DPYSL2: variants seen among roughly 807,000 people sequenced by gnomAD.
DPYSL2 encodes the protein dihydropyrimidinase like 2.
A neutral mutation model predicts 69.9 loss-of-function variants in DPYSL2; 13 were observed. The observed-to-expected ratio is 0.19, with a 90% CI of 0.12 to 0.30. The LOEUF is 0.30. DPYSL2 is among the 10% of genes least tolerant of loss of function. The probability of loss-of-function intolerance (pLI) is 1.00; values close to 1 mark genes in which losing one functional copy is unlikely to be tolerated. For synonymous variants in DPYSL2, 326 were observed against 359.1 expected, an observed-to-expected ratio of 0.91 and a Z score of 1.04; for missense variants, 587 against 918.9, an observed-to-expected ratio of 0.64 and a Z score of 4.67.
At position 26,640,807 on chromosome 8, in the gene DPYSL2, C is replaced by T. The variant is rs780793240; in HGVS notation, c.1127-2632C>T. ...CCCCTGGCATCCACTGCCCCTGCCC[C>T]TGAATGTCCCTATCTTTGCTTAGCT... On this transcript the variant is annotated intron_variant, in intron 8 of 13. Transcript: ENST00000521913. The surrounding 1 kb of genome is among the most constrained non-coding windows in gnomAD (Gnocchi z 4.2). 6.6e-6 allele frequency among the ~76,000 whole-genome samples: 1 copy of T among 152,214 alleles called. No homozygotes were observed. Among genetic ancestry groups the T allele is most frequent in the Non-Finnish European group, 1.5e-5 (1 of 68,030 alleles).
In DPYSL2 at chr8:26,537,657, AGAGT is replaced by A. The variant is rs920886491; in HGVS notation, c.354+22979_354+22982del. Among the ~76,000 whole-genome samples, 127 of 117,570 alleles carry A rather than the reference AGAGT, an allele frequency of 1.1e-3. 1 individual carries two copies. Among genetic ancestry groups the A allele is most frequent in the African/African-American group, 3.6e-3 (124 of 34,118 alleles). The allele number at this position is 117,570 out of a possible 152,430, so 77.1% of individuals were successfully genotyped here. A position where few individuals can be genotyped will look rare whatever the true frequency, so the allele number is the denominator to read the frequency against. ...ACAACTGTATATTTTTTCTCATTCG[AGAGT>A]AAGTTGCAGATATGATGCCCCATTT... On this transcript the variant is annotated intron_variant, in intron 1 of 13. Transcript: ENST00000521913.
chr8:26,528,442 A>G (rs1808520365), intron 1 of DPYSL2, among the ~76,000 whole-genome samples: 1 of 151,976 alleles, frequency 6.6e-6, no homozygotes, highest in Admixed American at 6.6e-5. Flanking sequence ...AGGTCAAGAG[A>G]TCGAGACCAT....
chr8:26,536,105 C>CTTTT (rs111964513), intron 1 of DPYSL2, among the ~76,000 whole-genome samples: 2 of 139,724 alleles, frequency 1.4e-5, no homozygotes, highest in Non-Finnish European at 3.1e-5. Flanking sequence ...TATCTTTTTC[C>CTTTT]TTTTTTTTTT....
intron 1 of DPYSL2, among the ~76,000 whole-genome samples, chr8:26,530,847 G>A (rs1286682804): frequency 6.6e-6 from 1 of 152,126 alleles, no homozygotes; most frequent in Non-Finnish European, 1.5e-5. Context: ...TGCAAAGTGG[G>A]TATCATGACC....
chr8:26,530,455 G>T (rs911448452), intron 1 of DPYSL2, among the ~76,000 whole-genome samples: 1 of 152,228 alleles, frequency 6.6e-6, no homozygotes, highest in Non-Finnish European at 1.5e-5. Flanking sequence ...CTTTGAAATT[G>T]TCATGGAGCA....
intron 1 of DPYSL2, among the ~76,000 whole-genome samples, chr8:26,523,155 A>G (rs1044596526): frequency 1.3e-5 from 2 of 150,374 alleles, no homozygotes; most frequent in Non-Finnish European, 1.5e-5. Flanking sequence ...ACATACATGT[A>G]TATATATATA....
rs549033651 is a variant in DPYSL2, at chr8:26,644,037, G to A, written c.1371G>A (p.Pro457=). ...AVGKDNFTLI[P]EGTNGTEERM... is the part of the protein sequence containing the mutation. ...GAAAGGACAACTTCACCCTGATTCC[G>A]GAGGGCACCAATGGCACTGAGGAGC... is the stretch of plus-strand genomic sequence containing the variant. The change falls in exon 10 of 14, where the codon CCG becomes CCA. Residue 457 remains proline, a synonymous_variant. Coordinates refer to ENST00000521913, the MANE Select transcript of DPYSL2 (RefSeq NM_001197293.3). The surrounding 1 kb of genome is among the most constrained non-coding windows in gnomAD (Gnocchi z 4.5). 26 of 1,614,100 alleles carry A rather than the reference G, an allele frequency of 1.6e-5. No individual in the cohort carries two copies. Among genetic ancestry groups the A allele is most frequent in the African/African-American group, 8.0e-5 (6 of 74,930 alleles).
At chr8:26,536,681 A>AAACG (rs1226625576) in intron 1 of DPYSL2, among the ~76,000 whole-genome samples, 1 of 152,052 alleles carries the variant, frequency 6.6e-6, no homozygotes, top group Non-Finnish European at 1.5e-5. Context: ...AAAAACAAAC[A>AAACG]AACAAACAAA....
chr8:26,606,030 A>T (rs906642701), intron 3 of DPYSL2, among the ~76,000 whole-genome samples: 1 of 152,198 alleles, frequency 6.6e-6, no homozygotes. Flanking sequence ...CTGGGAGACC[A>T]CTACTGGCTA....
intron 1 of DPYSL2, chr8:26,578,510 G>C: frequency 7.0e-7 from 1 of 1,425,036 alleles, no homozygotes; most frequent in Non-Finnish European, 9.1e-7. Context: ...AAACAGGAGC[G>C]CGAGTGCACG....
chr8:26,541,622 T>C (rs149274346), intron 1 of DPYSL2, among the ~76,000 whole-genome samples: 168 of 152,296 alleles, frequency 1.1e-3, no homozygotes, highest in African/African-American at 3.9e-3. Context: ...AGAGAAAATG[T>C]CGCTAATGGA....
rs771254241 is a variant in DPYSL2 at position 26,647,679 on chromosome 8, A to G, written c.1475A>G (p.Asn492Ser). ...CAGTTTGTGGCTGTGACCAGCACCA[A>G]TGCAGCCAAAGTCTTCAACCTTTAC... is the stretch of plus-strand genomic sequence containing the variant. ...ENQFVAVTSTNAAKVFNLYPR... is the reference protein window; with the variant it reads ...ENQFVAVTSTSAAKVFNLYPR... The change falls in exon 11 of 14, where the codon AAT becomes AGT. Residue 492 changes from asparagine (N) to serine (S), a missense_variant. Asn to Ser is a conservative substitution (Grantham distance 46). Transcript: ENST00000521913. This position sits in a 1 kb window ranked among gnomAD's most constrained non-coding sequence, Gnocchi z 5.1. 46 of 1,614,040 alleles carry G rather than the reference A, an allele frequency of 2.8e-5. No homozygotes were observed. In the East Asian group the frequency reaches 4.5e-4, roughly 16 times the overall value.
chr8:26,602,171 G>A (rs1353988741), intron 3 of DPYSL2, among the ~76,000 whole-genome samples: 5 of 145,374 alleles, frequency 3.4e-5, no homozygotes, highest in African/African-American at 1.0e-4. Context: ...TGTTGAGGGA[G>A]TGCTGCGAGA....
intron 1 of DPYSL2, among the ~76,000 whole-genome samples, chr8:26,573,521 T>C (rs979609954): frequency 1.3e-5 from 2 of 151,720 alleles, no homozygotes; most frequent in African/African-American, 4.8e-5. Flanking sequence ...TACAAAAAAT[T>C]AGCTGGGCGT....
chr8:26,652,173 T>A lies in DPYSL2; in HGVS notation c.1597-84T>A, dbSNP rs113161553. On this transcript the variant is annotated intron_variant, in intron 11 of 13. Transcript: ENST00000521913. The surrounding 1 kb of genome is among the most constrained non-coding windows in gnomAD (Gnocchi z 6.3). ...TCTCTGAGTCTCTCTTTTGTCTCTGTGGGGTTGGGGCAGTGGGTGCTGCCG... is the reference window on the plus strand; with the variant it reads ...TCTCTGAGTCTCTCTTTTGTCTCTGAGGGGTTGGGGCAGTGGGTGCTGCCG... 3.9e-5 allele frequency: 51 copies of A among 1,317,578 alleles called. No individual in the cohort carries two copies. The highest frequency in any genetic ancestry group is 2.1e-4 in the Admixed American group (8 of 38,938). 81.6% of individuals were successfully genotyped at this position (1,317,578 alleles called of 1,614,324 possible).
chr8:26,515,568 GA>G (rs1362209928), intron 1 of DPYSL2, among the ~76,000 whole-genome samples: 1 of 152,208 alleles, frequency 6.6e-6, no homozygotes, highest in Non-Finnish European at 1.5e-5. Context: ...CTTGATTTTA[GA>G]AAATGTTTGT....
chr8:26,613,654 G>A (rs557525698), intron 3 of DPYSL2, among the ~76,000 whole-genome samples: 1 of 152,358 alleles, frequency 6.6e-6, no homozygotes, highest in Non-Finnish European at 1.5e-5. Context: ...AGGGAGAAGG[G>A]CTGGCCAGGA....
chr8:26,633,947 G>A (rs327216), intron 7 of DPYSL2, among the ~76,000 whole-genome samples: 12,572 of 152,302 alleles, frequency 0.083, 766 homozygotes, highest in Admixed American at 0.22. Context: ...GCATTGTTTC[G>A]TGGGTGATGC....
chr8:26,515,940 T>G (rs1380713256), intron 1 of DPYSL2, among the ~76,000 whole-genome samples: 1 of 152,196 alleles, frequency 6.6e-6, no homozygotes, highest in Non-Finnish European at 1.5e-5. Flanking sequence ...TCCACAAGCA[T>G]TTACATTTGT....
Sources: allele counts gnomAD v4.1 joint callset (sites outside exome capture counted in the v4.1 genomes callset), GRCh38; gene constraint gnomAD v4.1.1; non-coding constraint Gnocchi (gnomAD v3.1); transcripts MANE v1.5; gene names NCBI Gene and HGNC (gene_info 2026-07-23, HGNC 2026-07-21).